The following CHM variants were observed in gnomAD, a reference collection of about 807,000 sequenced individuals.
CHM encodes the protein CHM Rab escort protein, also known as rab proteins geranylgeranyltransferase component A 1.
In CHM, 10 loss-of-function variants were observed where a neutral mutation model predicts 49.0. The ratio of observed to expected loss-of-function variants is 0.20; its 90% CI spans 0.13 to 0.35. CHM has a LOEUF of 0.35. Among genes scored for constraint, CHM ranks in the 10% least tolerant of loss-of-function variants. CHM has a pLI of 1.00. For missense variants in CHM, 455 were observed against 478.4 expected, an observed-to-expected ratio of 0.95 and a Z score of 0.46; for synonymous variants, 184 against 167.5, an observed-to-expected ratio of 1.10 and a Z score of -0.76.
intron 5 of CHM, among the ~76,000 whole-genome samples, chrX:85,959,224 TAAGG>T (rs1001590854): frequency 3.6e-5 from 4 of 111,735 alleles, no homozygotes; most frequent in Admixed American, 1.9e-4. Flanking sequence ...TCCATACTGA[TAAGG>T]CACTCTGGCT....
intron 12 of CHM, among the ~76,000 whole-genome samples, chrX:85,880,119 T>C (rs767629501): frequency 1.5e-4 from 17 of 110,820 alleles, no homozygotes; most frequent in Non-Finnish European, 2.3e-4. Flanking sequence ...TGTTGTAGGT[T>C]TTTCCCTCCC....
Position 85,863,336 on chromosome X carries a change from AC to A in CHM, c.*1293del, listed in dbSNP as rs1452976999. 9.0e-6 allele frequency: 1 copy of A among 111,360 alleles called. No homozygotes were observed. The highest frequency in any genetic ancestry group is 1.9e-5 in the Non-Finnish European group (1 of 53,047). The allele number at this position is 111,360 out of a possible 1,213,427, so 9.2% of individuals were successfully genotyped here. A position where few individuals can be genotyped will look rare whatever the true frequency, so the allele number is the denominator to read the frequency against. ...TCGAACTCCTGACCTCAAGTGATCT[AC>A]CCACCTCAGCTTCCCAAAGTGCTGG... On this transcript the variant is annotated 3_prime_UTR_variant, in exon 15 of 15. Transcript: ENST00000357749.
At chrX:85,916,093 A>G (rs1927436078) in intron 8 of CHM, among the ~76,000 whole-genome samples, 1 of 111,800 alleles carries the variant, frequency 8.9e-6, no homozygotes, top group Non-Finnish European at 1.9e-5. Context: ...ACTGGTACAA[A>G]AACAGACACA....
intron 2 of CHM, among the ~76,000 whole-genome samples, chrX:85,992,269 G>A (rs751023399): frequency 9.0e-6 from 1 of 111,335 alleles, no homozygotes; most frequent in East Asian, 2.8e-4. Flanking sequence ...TAATGTCAGA[G>A]CTGGGGAAAC....
intron 14 of CHM, 43 bp from the exon 15 acceptor site, chrX:85,864,864 T>C: frequency 8.9e-7 from 1 of 1,126,916 alleles, no homozygotes; most frequent in Non-Finnish European, 1.2e-6. Context: ...GGAAATCGGT[T>C]TAAAATGTGT....
intron 11 of CHM, among the ~76,000 whole-genome samples, chrX:85,897,760 T>A (rs1926000464): frequency 9.0e-6 from 1 of 110,967 alleles, no homozygotes; most frequent in African/African-American, 3.3e-5. Context: ...GCTGGCACCC[T>A]TGTGTCTGTG....
At chrX:86,041,012 T>C (rs1176509252) in intron 1 of CHM, among the ~76,000 whole-genome samples, 2 of 112,193 alleles carry the variant, frequency 1.8e-5, no homozygotes, top group Non-Finnish European at 3.8e-5. Flanking sequence ...TGATTTAGCA[T>C]GAGTTAACAG....
intron 2 of CHM, among the ~76,000 whole-genome samples, chrX:86,009,489 G>A (rs1932966339): frequency 8.9e-6 from 1 of 112,167 alleles, no homozygotes; most frequent in African/African-American, 3.2e-5. Context: ...CTTATGCTAG[G>A]GGAAGCCAGG....
chrX:85,973,542 G>T (rs950574310), intron 4 of CHM, among the ~76,000 whole-genome samples: 3 of 110,550 alleles, frequency 2.7e-5, no homozygotes, highest in African/African-American at 9.9e-5. Context: ...ATTCAAGTTT[G>T]ACTTATATCT....
chrX:85,990,040 A>C (rs1179796038), intron 2 of CHM, among the ~76,000 whole-genome samples: 2 of 112,169 alleles, frequency 1.8e-5, no homozygotes, highest in East Asian at 5.6e-4. Context: ...CATGCATGCA[A>C]ATGTTCACTG....
intron 4 of CHM, among the ~76,000 whole-genome samples, chrX:85,966,571 T>C (rs751739045): frequency 1.8e-5 from 2 of 111,514 alleles, no homozygotes; most frequent in Admixed American, 1.9e-4. Context: ...CACACTCTTA[T>C]TCACTTTTAT....
chrX:85,935,188 AG>A (rs1928709064), intron 8 of CHM, among the ~76,000 whole-genome samples: 1 of 111,300 alleles, frequency 9.0e-6, no homozygotes, highest in African/African-American at 3.3e-5. Flanking sequence ...GGACGAAGCA[AG>A]GGAGGGAGGA....
chrX:85,928,355 C>G lies in CHM; in HGVS notation c.1167-17017G>C, dbSNP rs566222370. The stretch of plus-strand genomic sequence containing the variant: ...GTCAGGAGTTTGAGACCATCCTGGC[C>G]AACATGGTGAAACCCCATCTCTACT... On this transcript the variant is annotated intron_variant, in intron 8 of 14. Coordinates refer to ENST00000357749, the MANE Select transcript of CHM (RefSeq NM_000390.4). 1.4e-4 allele frequency among the ~76,000 whole-genome samples: 16 copies of G among 111,113 alleles called. No individual in the cohort carries two copies. In the South Asian group the frequency reaches 4.6e-3, roughly 32 times the overall value.
At chrX:85,981,204 T>TTATATATATATATATATATA (rs1193461119) in intron 3 of CHM, among the ~76,000 whole-genome samples, 3 of 50,727 alleles carry the variant, frequency 5.9e-5, no homozygotes, top group African/African-American at 2.1e-4. Flanking sequence ...ACATTTCTAT[T>TTATATATATATATATATATA]TCTATATATA....
At chrX:85,975,885 C>A (rs1931226610) in intron 4 of CHM, among the ~76,000 whole-genome samples, 1 of 111,946 alleles carries the variant, frequency 8.9e-6, no homozygotes, top group Non-Finnish European at 1.9e-5. Context: ...AGCCAGAAAC[C>A]TGTACCATAT....
intron 12 of CHM, among the ~76,000 whole-genome samples, chrX:85,884,958 A>G (rs1274839815): frequency 1.8e-5 from 2 of 111,010 alleles, no homozygotes; most frequent in Non-Finnish European, 3.8e-5. Flanking sequence ...TATATATTAT[A>G]CGCCACTGTG....
chrX:85,864,724 G>A lies in CHM; in HGVS notation c.1868C>T (p.Pro623Leu). The A allele has an allele frequency of 1.7e-6, 2 of 1,207,560 alleles. No homozygotes were observed. Among genetic ancestry groups the A allele is most frequent in the Non-Finnish European group, 2.2e-6 (2 of 892,618 alleles). ...DIILDGDSLQ[P>L]EASESSAIPE... Reference sequence around the variant, plus strand: ...TATGGCACTGGATTCTGAAGCCTCTGGCTGTAAACTGTCTCCATCAAGGAT... The same window carrying A: ...TATGGCACTGGATTCTGAAGCCTCTAGCTGTAAACTGTCTCCATCAAGGAT... The change falls in exon 15 of 15, where the codon CCA becomes CTA. Residue 623 changes from proline (P) to leucine (L), a missense_variant. Transcript: ENST00000357749.
Position 85,901,092 on chromosome X carries a change from C to T in CHM, c.1341G>A (p.Val447=), listed in dbSNP as rs757779175. 2 of 1,193,002 alleles carry T rather than the reference C, an allele frequency of 1.7e-6. No homozygotes were observed. The highest frequency in any genetic ancestry group is 3.6e-5 in the South Asian group (2 of 55,496). The change falls in exon 10 of 15, where the codon GTG becomes GTA. Residue 447 remains valine, a synonymous_variant. Transcript: ENST00000357749. The stretch of plus-strand genomic sequence containing the variant: ...GGTGGAGGGGGCCTTACCTGTATTG[C>T]ACACGTGAGCACATGTTCTCAGGAA... ...SYFPENMCSR[V]QYRQISRAVL... is the part of the protein sequence containing the mutation.
intron 2 of CHM, among the ~76,000 whole-genome samples, chrX:86,006,453 G>C (rs1160218131): frequency 9.0e-6 from 1 of 111,646 alleles, no homozygotes; most frequent in Admixed American, 9.5e-5. Flanking sequence ...TATTTAATTA[G>C]GAAAAGAAGA....
Sources: allele counts gnomAD v4.1 joint callset (sites outside exome capture counted in the v4.1 genomes callset), GRCh38; gene constraint gnomAD v4.1.1; transcripts MANE v1.5; gene names NCBI Gene and HGNC (gene_info 2026-07-23, HGNC 2026-07-21).